The following PPP1R3A variants were observed in gnomAD, a reference collection of about 807,000 sequenced individuals.
PPP1R3A encodes the protein protein phosphatase 1 regulatory subunit 3A.
PPP1R3A carries 29 observed loss-of-function variants against 41.7 expected under a neutral mutation model. The observed-to-expected ratio is 0.70, with a 90% CI of 0.52 to 0.95. PPP1R3A has a LOEUF of 0.95. Ranked by LOEUF, PPP1R3A falls within the 40% of genes least tolerant of loss-of-function variation. PPP1R3A has a pLI of 0.00. For missense variants in PPP1R3A, 1,352 were observed against 1,292.4 expected, an observed-to-expected ratio of 1.05 and a Z score of -0.71; for synonymous variants, 485 against 453.4, an observed-to-expected ratio of 1.07 and a Z score of -0.89.
chr7:113,901,652 A>C (rs1384776007), intron 1 of PPP1R3A, among the ~76,000 whole-genome samples: 1 of 151,776 alleles, frequency 6.6e-6, no homozygotes, highest in African/African-American at 2.4e-5. Context: ...TTCATGACAG[A>C]ACTCTTTCTA....
intron 1 of PPP1R3A, among the ~76,000 whole-genome samples, chr7:113,914,607 G>A (rs550985200): frequency 6.6e-5 from 10 of 152,238 alleles, no homozygotes; most frequent in African/African-American, 2.4e-4. Flanking sequence ...CTTTGGTGCA[G>A]CTTGAGCCTT....
In PPP1R3A at chr7:113,907,894, T is replaced by C. The variant is rs141400077; in HGVS notation, c.782+10321A>G. On this transcript the variant is annotated intron_variant, in intron 1 of 3. Coordinates refer to ENST00000284601, the MANE Select transcript of PPP1R3A (RefSeq NM_002711.4). ...AATATCTGGTAAGTCTTTTGCTAGG[T>C]GTTAATTTCTTCGCCTATAAATAAA... 2.9e-3 allele frequency among the ~76,000 whole-genome samples: 434 copies of C among 151,930 alleles called. 2 individuals carry two copies. The highest frequency in any genetic ancestry group is 1.0e-2 in the African/African-American group (415 of 41,518).
Position 113,918,949 on chromosome 7 carries a change from T to C in PPP1R3A, c.48A>G (p.Leu16=). Residue 16 remains leucine, a synonymous_variant, in exon 1 of 4, where the codon TTA becomes TTG. Coordinates refer to ENST00000284601, the MANE Select transcript of PPP1R3A (RefSeq NM_002711.4). Reference sequence around the variant, plus strand: ...GAGAGTCAGATAAATTAGGAACTTCTAAAAAATTATCTTTGCTAATCTGAC... The same window carrying C: ...GAGAGTCAGATAAATTAGGAACTTCCAAAAAATTATCTTTGCTAATCTGAC... ...VPSQISKDNF[L]EVPNLSDSLC... is the part of the protein sequence containing the mutation. 1 of 1,612,858 alleles carries C rather than the reference T, an allele frequency of 6.2e-7. No individual in the cohort carries two copies. The highest frequency in any genetic ancestry group is 8.5e-7 in the Non-Finnish European group (1 of 1,179,312).
Position 113,882,101 on chromosome 7 carries a change from G to T in PPP1R3A, c.904C>A (p.Arg302=). The stretch of plus-strand genomic sequence containing the variant: ...TCCCTGTTTACATCTTTTACATTTC[G>T]ATTACTGGCTTCCAAATCTTCCTTG... The part of the protein sequence containing the change: ...EDKEDLEASN[R]NVKDVNREHD... Residue 302 remains arginine, a synonymous_variant, in exon 3 of 4, where the codon CGA becomes AGA. Coordinates refer to ENST00000284601, the MANE Select transcript of PPP1R3A (RefSeq NM_002711.4). 1 of 1,611,478 alleles carries T rather than the reference G, an allele frequency of 6.2e-7. No individual in the cohort carries two copies. Among genetic ancestry groups the T allele is most frequent in the Non-Finnish European group, 8.5e-7 (1 of 1,178,214 alleles).
At position 113,877,368 on chromosome 7, in the gene PPP1R3A, A is replaced by G. The variant is rs368685729; in HGVS notation, c.*355T>C. On this transcript the variant is annotated 3_prime_UTR_variant, in exon 4 of 4. Transcript: ENST00000284601. ...GGGGAAAATATATACTCTCAAGGGGAAAAAAAAATGAAGCTTTATTGCAAG... is the reference window on the plus strand; with the variant it reads ...GGGGAAAATATATACTCTCAAGGGGGAAAAAAAATGAAGCTTTATTGCAAG... The G allele has an allele frequency of 1.3e-3, 218 of 168,780 alleles. No homozygotes were observed. Among genetic ancestry groups the G allele is most frequent in the African/African-American group, 1.4e-3 (60 of 41,820 alleles). The allele number at this position is 168,780 out of a possible 1,614,324, so 10.5% of individuals were successfully genotyped here. A position where few individuals can be genotyped will look rare whatever the true frequency, so the allele number is the denominator to read the frequency against.
At chr7:113,890,463 G>C (rs1796861140) in intron 1 of PPP1R3A, among the ~76,000 whole-genome samples, 1 of 152,136 alleles carries the variant, frequency 6.6e-6, no homozygotes. Context: ...AGGTGCACTA[G>C]TGCTTGTCTA....
At chr7:113,886,197 T>C (rs1201334995) in intron 1 of PPP1R3A, among the ~76,000 whole-genome samples, 5 of 152,120 alleles carry the variant, frequency 3.3e-5, no homozygotes, top group Non-Finnish European at 7.3e-5. Context: ...CAGGCGGTGA[T>C]ATGGTTTGGC....
chr7:113,894,969 G>A (rs999986161), intron 1 of PPP1R3A, among the ~76,000 whole-genome samples: 2 of 151,934 alleles, frequency 1.3e-5, no homozygotes, highest in East Asian at 1.9e-4. Flanking sequence ...TGAGACTTCC[G>A]AACTTTGAAA....
In PPP1R3A at chr7:113,878,564, G is replaced by A. The variant is rs1399433887; in HGVS notation, c.2528C>T (p.Thr843Ile). The A allele has an allele frequency of 1.2e-6, 2 of 1,613,450 alleles. No individual in the cohort carries two copies. Among genetic ancestry groups the A allele is most frequent in the Non-Finnish European group, 8.5e-7 (1 of 1,179,688 alleles). Residue 843 changes from threonine (T) to isoleucine (I), a missense_variant, in exon 4 of 4, where the codon ACA becomes ATA. Coordinates refer to ENST00000284601, the MANE Select transcript of PPP1R3A (RefSeq NM_002711.4). ...GACCCATGAGGATTCTTCCACAGAT[G>A]TTATATTTCCAGTGCCACATTTCTC... ...DREKCGTGNI[T>I]SVEESSWVIT... is the part of the protein sequence containing the mutation.
chr7:113,891,175 A>G (rs1796881278), intron 1 of PPP1R3A, among the ~76,000 whole-genome samples: 1 of 150,044 alleles, frequency 6.7e-6, no homozygotes, highest in Non-Finnish European at 1.5e-5. Context: ...ATTACTCACC[A>G]TTTGACTTTA....
Position 113,877,690 on chromosome 7 carries a change from C to T in PPP1R3A, c.*33G>A. On this transcript the variant is annotated 3_prime_UTR_variant, in exon 4 of 4. Transcript: ENST00000284601. Reference sequence around the variant, plus strand: ...AATCCAAATGTTTGGGGTTAAATAGCTTATCTTTTAAGAGAGAATAGTAGT... The same window carrying T: ...AATCCAAATGTTTGGGGTTAAATAGTTTATCTTTTAAGAGAGAATAGTAGT... 6.6e-7 allele frequency: 1 copy of T among 1,514,846 alleles called. No individual in the cohort carries two copies. The highest frequency in any genetic ancestry group is 8.8e-7 in the Non-Finnish European group (1 of 1,133,300). 93.8% of individuals were successfully genotyped at this position (1,514,846 alleles called of 1,614,324 possible).
At chr7:113,917,111 T>C (rs1257133019) in intron 1 of PPP1R3A, among the ~76,000 whole-genome samples, 2 of 152,136 alleles carry the variant, frequency 1.3e-5, no homozygotes, top group African/African-American at 4.8e-5. Flanking sequence ...TCGTATCTTA[T>C]GCTTTGTATT....
Position 113,878,361 on chromosome 7 carries a change from G to A in PPP1R3A, c.2731C>T (p.Gln911Ter). Residue 911 changes from glutamine to a stop codon, truncating the protein, a stop_gained, in exon 4 of 4, where the codon CAG becomes TAG. Transcript: ENST00000284601. LOFTEE classifies it low-confidence loss of function (END_TRUNC). Reference sequence around the variant, plus strand: ...TGTTTGGAAAAAGGAGAGCTATTCTGAGGAGCTCTATTAGTGTCTGAGTTA... The same window carrying A: ...TGTTTGGAAAAAGGAGAGCTATTCTAAGGAGCTCTATTAGTGTCTGAGTTA... Reference protein sequence around the residue: ...AFNSDTNRAPQNSSPFSKHHT... With the variant: ...AFNSDTNRAP The A allele has an allele frequency of 6.2e-7, 1 of 1,612,584 alleles. No homozygotes were observed. Among genetic ancestry groups the A allele is most frequent in the Non-Finnish European group, 8.5e-7 (1 of 1,179,650 alleles).
intron 1 of PPP1R3A, among the ~76,000 whole-genome samples, chr7:113,883,674 T>C (rs557586911): frequency 6.6e-6 from 1 of 152,090 alleles, no homozygotes; most frequent in South Asian, 2.1e-4. Flanking sequence ...CTGACACACC[T>C]TCCCTTCTCC....
intron 1 of PPP1R3A, among the ~76,000 whole-genome samples, chr7:113,904,750 T>C (rs2129119099): frequency 6.6e-6 from 1 of 151,572 alleles, no homozygotes; most frequent in Admixed American, 6.6e-5. Context: ...AAAAATTTAT[T>C]TCTTCAGGAG....
chr7:113,902,774 C>A (rs957076218), intron 1 of PPP1R3A, among the ~76,000 whole-genome samples: 7 of 151,810 alleles, frequency 4.6e-5, no homozygotes, highest in Non-Finnish European at 2.9e-5. Context: ...TATCTGGTAA[C>A]CTTAGTTGTT....
At chr7:113,912,585 T>C (rs899788298) in intron 1 of PPP1R3A, among the ~76,000 whole-genome samples, 1 of 152,030 alleles carries the variant, frequency 6.6e-6, no homozygotes, top group African/African-American at 2.4e-5. Flanking sequence ...TTATTTCCTG[T>C]TGAGGGGTAG....
At chr7:113,907,847 T>G (rs919979544) in intron 1 of PPP1R3A, among the ~76,000 whole-genome samples, 2 of 151,818 alleles carry the variant, frequency 1.3e-5, no homozygotes, top group African/African-American at 4.8e-5. Flanking sequence ...GTGGCAAAGG[T>G]TCTATTTCTT....
At position 113,879,663 on chromosome 7, in the gene PPP1R3A, T is replaced by C; in HGVS notation, c.1429A>G (p.Ile477Val). ...NKKHEGGAKN[I>V]EVKDLGCLRR... is the part of the protein sequence containing the mutation. ...AAACATCCCAAATCTTTTACTTCAA[T>C]ATTTTTAGCTCCTCCTTCATGTTTT... is the stretch of plus-strand genomic sequence containing the variant. Residue 477 changes from isoleucine (I) to valine (V), a missense_variant, in exon 4 of 4, where the codon ATT (isoleucine) becomes GTT (valine). Coordinates refer to ENST00000284601, the MANE Select transcript of PPP1R3A (RefSeq NM_002711.4). The C allele has an allele frequency of 1.9e-6, 3 of 1,613,154 alleles. No homozygotes were observed. The highest frequency in any genetic ancestry group is 1.7e-6 in the Non-Finnish European group (2 of 1,179,610).
Sources: gnomAD v4.1 joint callset for allele counts (sites outside exome capture counted in the v4.1 genomes callset) on GRCh38, gnomAD v4.1.1 for gene constraint, MANE v1.5 for transcripts, NCBI Gene and HGNC (gene_info 2026-07-23, HGNC 2026-07-21) for gene names.